The following WNT3A variants were observed in gnomAD, a reference collection of about 807,000 sequenced individuals.
WNT3A encodes Wnt family member 3A.
Under a neutral mutation model 37.0 loss-of-function variants are expected in WNT3A, and 17 were observed. That is an observed-to-expected ratio of 0.46 (90% confidence interval 0.31 to 0.69). The LOEUF is 0.69. Among genes scored for constraint, WNT3A ranks in the 30% least tolerant of loss-of-function variants. The pLI is 0.05. For synonymous variants in WNT3A, 187 were observed against 211.0 expected (o/e 0.89, Z 0.99); for missense variants, 411 against 510.2 (o/e 0.81, Z 1.87).
At position 228,032,312 on chromosome 1, in the gene WNT3A, G is replaced by A. The variant is rs148349535; in HGVS notation, c.313+9404G>A. On this transcript the variant is annotated intron_variant, in intron 2 of 3. Transcript: ENST00000284523. Reference sequence around the variant, plus strand: ...CTGTGCATCACTGTCTGGATTGGACGATGCCCATGGAAAGGCACAGATCTG... The same window carrying A: ...CTGTGCATCACTGTCTGGATTGGACAATGCCCATGGAAAGGCACAGATCTG... 9.8e-5 allele frequency among the ~76,000 whole-genome samples: 15 copies of A among 152,288 alleles called. No individual in the cohort carries two copies. In the East Asian group the frequency reaches 2.3e-3, roughly 23 times the overall value.
chr1:228,015,156 A>G (rs1255768908), intron 1 of WNT3A, among the ~76,000 whole-genome samples: 1 of 152,234 alleles, frequency 6.6e-6, no homozygotes, highest in Admixed American at 6.5e-5. Context: ...AAACTCACTA[A>G]GCATCATCTC....
intron 2 of WNT3A, among the ~76,000 whole-genome samples, chr1:228,028,273 T>A (rs1445574890): frequency 2.0e-5 from 3 of 149,350 alleles, no homozygotes; most frequent in Admixed American, 6.8e-5. Context: ...CTATTTGGGA[T>A]CTTTTTTGGT....
intron 1 of WNT3A, among the ~76,000 whole-genome samples, chr1:228,020,732 G>T (rs541092200): frequency 6.6e-6 from 1 of 152,218 alleles, no homozygotes; most frequent in Admixed American, 6.5e-5. Context: ...CAAGGGAGCC[G>T]ACTGTGCAAG....
At chr1:228,030,840 C>T (rs1268300747) in intron 2 of WNT3A, among the ~76,000 whole-genome samples, 3 of 152,262 alleles carry the variant, frequency 2.0e-5, no homozygotes, top group Non-Finnish European at 4.4e-5. Context: ...TGCTTCACAG[C>T]CTCTGGTCAG....
chr1:228,052,593 C>T (rs1384990649), intron 3 of WNT3A, among the ~76,000 whole-genome samples: 2 of 152,154 alleles, frequency 1.3e-5, no homozygotes, highest in African/African-American at 2.4e-5. Flanking sequence ...GACCAAGTGG[C>T]GTCCACGGGA....
At chr1:228,057,687 A>G (rs2031707811) in intron 3 of WNT3A, among the ~76,000 whole-genome samples, 1 of 152,220 alleles carries the variant, frequency 6.6e-6, no homozygotes, top group South Asian at 2.1e-4. Flanking sequence ...GAAGCCTTAG[A>G]TTAGAACTGT....
intron 2 of WNT3A, among the ~76,000 whole-genome samples, chr1:228,023,676 T>C (rs2030787142): frequency 1.3e-5 from 2 of 152,082 alleles, no homozygotes; most frequent in South Asian, 2.1e-4. Context: ...TGAGGTGAAA[T>C]TCACATAACC....
intron 1 of WNT3A, among the ~76,000 whole-genome samples, chr1:228,021,515 C>G (rs2030706829): frequency 6.6e-6 from 1 of 152,100 alleles, no homozygotes; most frequent in Non-Finnish European, 1.5e-5. Flanking sequence ...TCACGGGAGC[C>G]CATGCCTTCG....
intron 2 of WNT3A, among the ~76,000 whole-genome samples, chr1:228,045,389 A>G (rs934970563): frequency 5.3e-5 from 8 of 152,188 alleles, no homozygotes; most frequent in African/African-American, 1.9e-4. Context: ...CCAGGAGGGC[A>G]GGTGGAGCTG....
chr1:228,014,152 A>C (rs560743901), intron 1 of WNT3A, among the ~76,000 whole-genome samples: 3 of 152,316 alleles, frequency 2.0e-5, no homozygotes, highest in Non-Finnish European at 4.4e-5. Flanking sequence ...CTGAGATGAC[A>C]TCCAGCAGGG....
chr1:228,021,824 C>T (rs1031228378), intron 1 of WNT3A, among the ~76,000 whole-genome samples: 2 of 152,238 alleles, frequency 1.3e-5, no homozygotes, highest in African/African-American at 4.8e-5. Context: ...CTTCTCTGGG[C>T]AGCCCCCACC....
rs557551178 is a variant in WNT3A, at chr1:228,039,218, C to T, written c.314-11438C>T. The stretch of plus-strand genomic sequence containing the variant: ...GTGAGCATGGGTCAACATCAAGAAG[C>T]AGACTGGGCAAAGGCGGCATCCCAA... On this transcript the variant is annotated intron_variant, in intron 2 of 3. Transcript: ENST00000284523. This position sits in a 1 kb window ranked among gnomAD's most constrained non-coding sequence, Gnocchi z 4.1. Among the ~76,000 whole-genome samples the T allele has an allele frequency of 1.3e-5, 2 of 152,274 alleles. No homozygotes were observed. The highest frequency in any genetic ancestry group is 4.1e-4 in the South Asian group (2 of 4,824).
At chr1:228,035,635 G>T (rs986906143) in intron 2 of WNT3A, among the ~76,000 whole-genome samples, 1 of 152,228 alleles carries the variant, frequency 6.6e-6, no homozygotes, top group African/African-American at 2.4e-5. Context: ...TGGGGCTCTT[G>T]GATTAATGCC....
At chr1:228,044,110 T>C (rs1368656346) in intron 2 of WNT3A, among the ~76,000 whole-genome samples, 1 of 152,168 alleles carries the variant, frequency 6.6e-6, no homozygotes, top group Non-Finnish European at 1.5e-5. Flanking sequence ...GCGTCCCAAG[T>C]AGCTAGGACT....
intron 2 of WNT3A, among the ~76,000 whole-genome samples, chr1:228,041,398 C>A (rs1175459512): frequency 6.6e-6 from 1 of 152,070 alleles, no homozygotes; most frequent in African/African-American, 2.4e-5. Context: ...ATCCATTCAT[C>A]CATCATGCAC....
In WNT3A at chr1:228,031,004, G is replaced by C. The variant is rs1436178568; in HGVS notation, c.313+8096G>C. On this transcript the variant is annotated intron_variant, in intron 2 of 3. Coordinates refer to ENST00000284523, the MANE Select transcript of WNT3A (RefSeq NM_033131.4). The surrounding 1 kb of genome is among the most constrained non-coding windows in gnomAD (Gnocchi z 4.8). The stretch of plus-strand genomic sequence containing the variant: ...GACCAGGAGAGCTCCTGAGTGTGCA[G>C]CTGACACTGCCTCCAGGGCTGGTGG... Among the ~76,000 whole-genome samples the C allele has an allele frequency of 1.3e-5, 2 of 152,246 alleles. No homozygotes were observed. The highest frequency in any genetic ancestry group is 6.5e-5 in the Admixed American group (1 of 15,284).
At position 228,059,373 on chromosome 1, in the gene WNT3A, C is replaced by T; in HGVS notation, c.967C>T (p.Arg323Cys). 1 of 1,562,380 alleles carries T rather than the reference C, an allele frequency of 6.4e-7. No homozygotes were observed. Residue 323 changes from arginine (R) to cysteine (C), a missense_variant, in exon 4 of 4, where the codon CGC (arginine) becomes TGC (cysteine). Coordinates refer to ENST00000284523, the MANE Select transcript of WNT3A (RefSeq NM_033131.4). ...CGGCCACAACGCGCGAGCGGAGCGG[C>T]GCCGGGAGAAGTGCCGCTGCGTGTT... ...GRGHNARAER[R>C]REKCRCVFHW...
At chr1:228,020,083 G>T (rs183580884) in intron 1 of WNT3A, among the ~76,000 whole-genome samples, 88 of 152,374 alleles carry the variant, frequency 5.8e-4, no homozygotes, top group African/African-American at 2.0e-3. Flanking sequence ...CATTAGCCAG[G>T]CATGGTGGTG....
chr1:228,052,170 G>T (rs904813054), intron 3 of WNT3A, among the ~76,000 whole-genome samples: 3 of 152,026 alleles, frequency 2.0e-5, no homozygotes, highest in Non-Finnish European at 2.9e-5. Context: ...CTTTCTGGGG[G>T]GGTGGGGACA....
Sources: allele counts gnomAD v4.1 joint callset (sites outside exome capture counted in the v4.1 genomes callset), GRCh38; gene constraint gnomAD v4.1.1; non-coding constraint Gnocchi (gnomAD v3.1); transcripts MANE v1.5; gene names NCBI Gene and HGNC (gene_info 2026-07-23, HGNC 2026-07-21).